CSRNP3: variants seen among roughly 807,000 people sequenced by gnomAD.
The protein encoded by CSRNP3 is cysteine/serine-rich nuclear protein 3.
A neutral mutation model predicts 48.0 loss-of-function variants in CSRNP3; 12 were observed. That is an observed-to-expected ratio of 0.25 (90% CI 0.16 to 0.41). The LOEUF (loss-of-function observed/expected upper bound fraction) is 0.41. Ranked by LOEUF, CSRNP3 falls within the 10% of genes least tolerant of loss-of-function variation. The pLI is 1.00. For synonymous variants in CSRNP3, 263 were observed against 269.7 expected (o/e 0.98, Z 0.24); for missense variants, 580 against 724.4 (o/e 0.80, Z 2.29).
Position 165,500,969 on chromosome 2 carries a change from A to G in CSRNP3, c.-113+6041A>G, listed in dbSNP as rs151228972. Among the ~76,000 whole-genome samples, 38 of 152,260 alleles carry G rather than the reference A, an allele frequency of 2.5e-4. No homozygotes were observed. The East Asian group carries it at 6.6e-3, about 26-fold the overall frequency. ...ATTTCCTCCAAAGATGCTGTCCATT[A>G]TCTTCTTGCTCTGTCAGATCCAACT... On this transcript the variant is annotated intron_variant, in intron 2 of 6. Coordinates refer to ENST00000651982, the MANE Select transcript of CSRNP3 (RefSeq NM_001172173.2).
intron 2 of CSRNP3, among the ~76,000 whole-genome samples, chr2:165,502,648 C>G (rs1256595608): frequency 6.6e-6 from 1 of 151,928 alleles, no homozygotes; most frequent in Non-Finnish European, 1.5e-5. Flanking sequence ...CAACACCTTA[C>G]CAAACACCTT....
chr2:165,481,518 G>A (rs761286433), intron 1 of CSRNP3, among the ~76,000 whole-genome samples: 5 of 152,082 alleles, frequency 3.3e-5, no homozygotes, highest in Non-Finnish European at 7.4e-5. Flanking sequence ...ATCCTCAACA[G>A]GAAGACTTTG....
chr2:165,677,872 G>A (rs1340022086), intron 6 of CSRNP3, among the ~76,000 whole-genome samples: 1 of 152,160 alleles, frequency 6.6e-6, no homozygotes, highest in African/African-American at 2.4e-5. Flanking sequence ...TCCAACACTT[G>A]TTGAACCCAA....
chr2:165,666,736 AAGAGAG>A (rs533910110), intron 5 of CSRNP3, among the ~76,000 whole-genome samples: 1 of 133,684 alleles, frequency 7.5e-6, no homozygotes, highest in Admixed American at 7.3e-5. Flanking sequence ...GGAAAACAGA[AAGAGAG>A]AGGAAGGAAG....
chr2:165,585,200 A>G (rs1416258483), intron 3 of CSRNP3, among the ~76,000 whole-genome samples: 2 of 148,812 alleles, frequency 1.3e-5, no homozygotes, highest in East Asian at 3.9e-4. Flanking sequence ...TAAAAGTATC[A>G]TAGCATAATG....
intron 3 of CSRNP3, among the ~76,000 whole-genome samples, chr2:165,542,791 G>T (rs1337853203): frequency 6.6e-6 from 1 of 152,040 alleles, no homozygotes; most frequent in Non-Finnish European, 1.5e-5. Context: ...TATTCTACTT[G>T]CAAGTTATCA....
chr2:165,515,163 CA>C (rs72228483), intron 2 of CSRNP3, among the ~76,000 whole-genome samples: 108,088 of 149,312 alleles, frequency 0.72, 39,564 homozygotes, highest in African/African-American at 0.84. Context: ...ACTAAAGATA[CA>C]AAAAAAAAAT....
intron 4 of CSRNP3, among the ~76,000 whole-genome samples, chr2:165,623,828 T>C (rs954208006): frequency 6.6e-6 from 1 of 152,196 alleles, no homozygotes; most frequent in Non-Finnish European, 1.5e-5. Flanking sequence ...GTCTAGGCTT[T>C]TTGTCTCCTA....
intron 4 of CSRNP3, among the ~76,000 whole-genome samples, chr2:165,611,667 A>G (rs531288645): frequency 2.2e-3 from 330 of 152,192 alleles, no homozygotes; most frequent in African/African-American, 7.6e-3. Context: ...ATTCTGTGAA[A>G]TAGGTTCTAT....
intron 4 of CSRNP3, among the ~76,000 whole-genome samples, chr2:165,623,719 C>G (rs1354471640): frequency 1.3e-5 from 2 of 152,178 alleles, no homozygotes; most frequent in Admixed American, 6.5e-5. Context: ...GCAACATCTA[C>G]AACCATAAGA....
intron 1 of CSRNP3, among the ~76,000 whole-genome samples, chr2:165,480,957 T>C (rs34910088): frequency 0.33 from 49,570 of 149,618 alleles, 8,229 homozygotes; most frequent in East Asian, 0.38. Context: ...AAAACCAGTC[T>C]GGACAACATA....
chr2:165,660,989 T>C (rs1558965583), intron 5 of CSRNP3, among the ~76,000 whole-genome samples: 1 of 152,196 alleles, frequency 6.6e-6, no homozygotes, highest in South Asian at 2.1e-4. Flanking sequence ...CACAGCAATA[T>C]GAACCAGCTT....
intron 1 of CSRNP3, among the ~76,000 whole-genome samples, chr2:165,489,583 C>A (rs1471433840): frequency 2.2e-3 from 248 of 114,628 alleles, no homozygotes; most frequent in Non-Finnish European, 3.3e-3. Flanking sequence ...GCAGCACATC[C>A]AAAAGCTTAT....
At chr2:165,550,942 G>C (rs748352147) in intron 3 of CSRNP3, among the ~76,000 whole-genome samples, 14 of 151,816 alleles carry the variant, frequency 9.2e-5, no homozygotes, top group Non-Finnish European at 1.9e-4. Flanking sequence ...CACATAACCT[G>C]CCCTTCTCCA....
chr2:165,552,600 C>T (rs1357789878), intron 3 of CSRNP3, among the ~76,000 whole-genome samples: 3 of 152,168 alleles, frequency 2.0e-5, no homozygotes, highest in South Asian at 2.1e-4. Flanking sequence ...AAACAGTCAT[C>T]CTGAGACCCT....
In CSRNP3 at chr2:165,688,004, C is replaced by A. The variant is rs1460760965; in HGVS notation, c.*8251C>A. 1 of 150,424 alleles carries A rather than the reference C, an allele frequency of 6.6e-6. No individual in the cohort carries two copies. The highest frequency in any genetic ancestry group is 2.4e-5 in the African/African-American group (1 of 40,848). 9.3% of individuals were successfully genotyped at this position (150,424 alleles called of 1,614,324 possible). A position where few individuals can be genotyped will look rare whatever the true frequency, so the allele number is the denominator to read the frequency against. Reference sequence around the variant, plus strand: ...TGACAGCCACATCAGTGTGGTTACTCCCCACAAATAACACTAGGGGGAAAT... The same window carrying A: ...TGACAGCCACATCAGTGTGGTTACTACCCACAAATAACACTAGGGGGAAAT... On this transcript the variant is annotated 3_prime_UTR_variant, in exon 7 of 7. Transcript: ENST00000651982.
chr2:165,658,960 A>G (rs1464438009), intron 5 of CSRNP3, among the ~76,000 whole-genome samples: 1 of 152,156 alleles, frequency 6.6e-6, no homozygotes, highest in Non-Finnish European at 1.5e-5. Flanking sequence ...GTGAGTCCAC[A>G]ATGGCTTGTG....
At chr2:165,624,904 C>A (rs1415313268) in intron 4 of CSRNP3, among the ~76,000 whole-genome samples, 2 of 152,236 alleles carry the variant, frequency 1.3e-5, no homozygotes, top group East Asian at 3.9e-4. Flanking sequence ...GGGTAAGAAG[C>A]CCGCGGAAAG....
At chr2:165,593,239 G>T (rs1474067289) in intron 3 of CSRNP3, among the ~76,000 whole-genome samples, 1 of 152,216 alleles carries the variant, frequency 6.6e-6, no homozygotes, top group East Asian at 1.9e-4. Flanking sequence ...TAGGAATTCA[G>T]TGCTGGTTTA....
Sources: allele counts gnomAD v4.1 joint callset (sites outside exome capture counted in the v4.1 genomes callset), GRCh38; gene constraint gnomAD v4.1.1; transcripts MANE v1.5; gene names NCBI Gene and HGNC (gene_info 2026-07-23, HGNC 2026-07-21).